Variants in CNTNAP3B observed in about 807,000 individuals in gnomAD.
CNTNAP3B encodes the protein contactin associated protein family member 3B.
A neutral mutation model predicts 108.9 loss-of-function variants in CNTNAP3B; 25 were observed. The ratio of observed to expected loss-of-function variants is 0.23; its 90% CI spans 0.17 to 0.32. CNTNAP3B has a LOEUF of 0.32. CNTNAP3B is among the 10% of genes least tolerant of loss of function. CNTNAP3B has a pLI of 1.00. For missense variants in CNTNAP3B, 252 were observed against 1,210.4 expected (o/e 0.21, Z 11.75); for synonymous variants, 103 against 473.4 (o/e 0.22, Z 10.16).
At chr9:42,035,765 C>T (rs1316455362) in intron 3 of CNTNAP3B, among the ~76,000 whole-genome samples, 2 of 150,700 alleles carry the variant, frequency 1.3e-5, no homozygotes, top group African/African-American at 2.5e-5. Flanking sequence ...TTAAGCTATC[C>T]TCCCGCATTA....
At chr9:41,956,290 G>A (rs1450710494) in intron 12 of CNTNAP3B, among the ~76,000 whole-genome samples, 3 of 151,604 alleles carry the variant, frequency 2.0e-5, no homozygotes, top group Non-Finnish European at 2.9e-5. Context: ...GGAGGCCGAG[G>A]CAGAAGAATC....
intron 3 of CNTNAP3B, among the ~76,000 whole-genome samples, chr9:42,054,888 C>T (rs1205643654): frequency 6.7e-6 from 1 of 148,916 alleles, no homozygotes; most frequent in African/African-American, 2.5e-5. Flanking sequence ...AGCTGGGACT[C>T]CTCCTGACAT....
At chr9:41,933,924 T>C (rs545822867) in intron 14 of CNTNAP3B, among the ~76,000 whole-genome samples, 1 of 152,068 alleles carries the variant, frequency 6.6e-6, no homozygotes, top group Non-Finnish European at 1.5e-5. Context: ...AACAATAATG[T>C]ATAATACATT....
intron 17 of CNTNAP3B, among the ~76,000 whole-genome samples, chr9:41,921,116 C>A (rs542454398): frequency 6.6e-6 from 1 of 152,412 alleles, no homozygotes; most frequent in South Asian, 2.1e-4. Flanking sequence ...AAGGTGGGGG[C>A]CCCAAATCTG....
intron 14 of CNTNAP3B, among the ~76,000 whole-genome samples, chr9:41,930,702 G>T (rs1262008705): frequency 5.2e-5 from 8 of 152,408 alleles, no homozygotes; most frequent in East Asian, 1.9e-4. Flanking sequence ...TATTAATTAT[G>T]TGACTGGGAA....
At chr9:41,948,535 GAAAAAAGAA>G (rs1347790146) in intron 13 of CNTNAP3B, among the ~76,000 whole-genome samples, 2 of 147,898 alleles carry the variant, frequency 1.4e-5, no homozygotes, top group African/African-American at 4.9e-5. Flanking sequence ...AAGACAATAT[GAAAAAAGAA>G]AACTACATAT....
intron 2 of CNTNAP3B, among the ~76,000 whole-genome samples, chr9:42,095,390 G>C (rs1408732983): frequency 7.2e-6 from 1 of 139,014 alleles, no homozygotes; most frequent in Admixed American, 7.1e-5. Context: ...TGATGTACTT[G>C]GCTCTAGTAA....
At chr9:41,942,362 G>A (rs1824378191) in intron 13 of CNTNAP3B, among the ~76,000 whole-genome samples, 1 of 152,270 alleles carries the variant, frequency 6.6e-6, no homozygotes, top group African/African-American at 2.4e-5. Context: ...TGTAATCCCA[G>A]CATTTTGGGA....
chr9:41,945,823 C>T (rs1200948559), intron 13 of CNTNAP3B, among the ~76,000 whole-genome samples: 1 of 152,312 alleles, frequency 6.6e-6, no homozygotes, highest in Non-Finnish European at 1.5e-5. Flanking sequence ...ACCCATGATC[C>T]ACCTACATGT....
chr9:41,963,586 A>T (rs1431682649), intron 11 of CNTNAP3B, among the ~76,000 whole-genome samples: 5 of 151,484 alleles, frequency 3.3e-5, no homozygotes, highest in Admixed American at 2.6e-4. Context: ...TACCAGAAGC[A>T]TGAGGAAGGT....
At chr9:42,097,691 G>A (rs1276289951) in intron 2 of CNTNAP3B, among the ~76,000 whole-genome samples, 1 of 136,490 alleles carries the variant, frequency 7.3e-6, no homozygotes, top group Non-Finnish European at 1.6e-5. Context: ...AATATATATT[G>A]CCTTTACTCC....
At chr9:42,030,771 A>ATGTGTGC (rs1564177855) in intron 3 of CNTNAP3B, among the ~76,000 whole-genome samples, 7 of 117,136 alleles carry the variant, frequency 6.0e-5, no homozygotes, top group African/African-American at 2.7e-4. Flanking sequence ...AGAGAGAGAG[A>ATGTGTGC]GAGAGAGAGA....
Position 42,066,420 on chromosome 9 carries a change from A to T in CNTNAP3B, c.390+10449T>A, listed in dbSNP as rs1209324333. Among the ~76,000 whole-genome samples the T allele has an allele frequency of 4.2e-5, 3 of 71,392 alleles. 1 individual carries two copies. The highest frequency in any genetic ancestry group is 1.4e-4 in the African/African-American group (3 of 21,860). The allele number at this position is 71,392 out of a possible 152,430, so 46.8% of individuals were successfully genotyped here. On this transcript the variant is annotated intron_variant, in intron 3 of 23. Coordinates refer to ENST00000377561, the MANE Select transcript of CNTNAP3B (RefSeq NM_001201380.3). The stretch of plus-strand genomic sequence containing the variant: ...AAGTATTAAAAAATGTGAGCTGTTG[A>T]ATCTTTTTTTTTTTTTTTTTTTTGA...
At chr9:42,014,487 A>T (rs1042914605) in intron 3 of CNTNAP3B, among the ~76,000 whole-genome samples, 1 of 100,084 alleles carries the variant, frequency 1.0e-5, no homozygotes, top group Non-Finnish European at 2.1e-5. Context: ...ATTTTGCTGT[A>T]CTAAAGAATG....
chr9:41,929,934 A>G (rs1823928431), intron 14 of CNTNAP3B, among the ~76,000 whole-genome samples: 1 of 152,148 alleles, frequency 6.6e-6, no homozygotes, highest in Non-Finnish European at 1.5e-5. Flanking sequence ...TTCCTGATCT[A>G]AATGATTACA....
At chr9:42,118,116 A>T (rs1284560124) in intron 1 of CNTNAP3B, among the ~76,000 whole-genome samples, 1 of 138,344 alleles carries the variant, frequency 7.2e-6, no homozygotes, top group Non-Finnish European at 1.5e-5. Flanking sequence ...AACTGGTACC[A>T]TTCCTTCTGA....
chr9:41,919,129 T>C (rs1823597440), intron 18 of CNTNAP3B, among the ~76,000 whole-genome samples: 1 of 152,072 alleles, frequency 6.6e-6, no homozygotes. Context: ...CAGTCCCTTT[T>C]TCCTTTTCTT....
At chr9:42,119,516 T>C (rs1249318276) in intron 1 of CNTNAP3B, among the ~76,000 whole-genome samples, 2 of 123,492 alleles carry the variant, frequency 1.6e-5, no homozygotes, top group Admixed American at 8.2e-5. Flanking sequence ...GAGCCCGCAT[T>C]GCCAAGTCAA....
Position 42,035,872 on chromosome 9 carries a change from C to G in CNTNAP3B, c.391-22347G>C, listed in dbSNP as rs190833977. ...TTGAGATGAGGTCTTGCTATGTTGC[C>G]CTGGTTGGTCTAAAACTCCTGACCT... On this transcript the variant is annotated intron_variant, in intron 3 of 23. Coordinates refer to ENST00000377561, the MANE Select transcript of CNTNAP3B (RefSeq NM_001201380.3). 5.6e-4 allele frequency among the ~76,000 whole-genome samples: 80 copies of G among 143,540 alleles called. 2 individuals are homozygous for G. Among genetic ancestry groups the G allele is most frequent in the African/African-American group, 1.9e-3 (72 of 37,110 alleles). 94.2% of individuals were successfully genotyped at this position (143,540 alleles called of 152,430 possible).
Sources: gnomAD v4.1 joint callset for allele counts (sites outside exome capture counted in the v4.1 genomes callset) on GRCh38, gnomAD v4.1.1 for gene constraint, MANE v1.5 for transcripts, NCBI Gene and HGNC (gene_info 2026-07-23, HGNC 2026-07-21) for gene names.